VWC2L: variants seen among roughly 807,000 people sequenced by gnomAD.
VWC2L encodes the protein von Willebrand factor C domain-containing protein 2-like.
Under a neutral mutation model 21.6 loss-of-function variants are expected in VWC2L, and 10 were observed. The observed-to-expected ratio is 0.46, with a 90% CI of 0.29 to 0.78. The LOEUF is 0.78. Among genes scored for constraint, VWC2L ranks in the 30% least tolerant of loss-of-function variants. The pLI, the probability that VWC2L is intolerant of heterozygous loss-of-function variation, is 0.10. For synonymous variants in VWC2L, 96 were observed against 94.3 expected, an observed-to-expected ratio of 1.02 and a Z score of -0.10; for missense variants, 209 against 277.1, an observed-to-expected ratio of 0.75 and a Z score of 1.74.
intron 3 of VWC2L, among the ~76,000 whole-genome samples, chr2:214,484,392 G>A (rs989425987): frequency 6.6e-6 from 1 of 152,074 alleles, no homozygotes; most frequent in Non-Finnish European, 1.5e-5. Flanking sequence ...TCCAGGCCTC[G>A]GTACCTTGCC....
intron 3 of VWC2L, among the ~76,000 whole-genome samples, chr2:214,437,932 T>G (rs949201986): frequency 1.2e-4 from 18 of 152,006 alleles, no homozygotes; most frequent in African/African-American, 4.4e-4. Context: ...ATAAATCGAT[T>G]AACTTGAATA....
intron 3 of VWC2L, among the ~76,000 whole-genome samples, chr2:214,469,315 A>G (rs944556599): frequency 3.3e-5 from 5 of 152,102 alleles, no homozygotes; most frequent in Non-Finnish European, 7.4e-5. Context: ...TTAAAATATC[A>G]TGGGCCAGGC....
chr2:214,480,700 G>A (rs755224965), intron 3 of VWC2L, among the ~76,000 whole-genome samples: 15 of 151,780 alleles, frequency 9.9e-5, no homozygotes, highest in Non-Finnish European at 2.1e-4. Flanking sequence ...TATTACATCT[G>A]CACTCCAAGC....
At chr2:214,540,867 G>A (rs1188150804) in intron 3 of VWC2L, among the ~76,000 whole-genome samples, 1 of 152,186 alleles carries the variant, frequency 6.6e-6, no homozygotes, top group Non-Finnish European at 1.5e-5. Flanking sequence ...ATCAGTGACA[G>A]AGTCAGACCA....
chr2:214,540,931 C>A (rs1436185465), intron 3 of VWC2L, among the ~76,000 whole-genome samples: 1 of 152,172 alleles, frequency 6.6e-6, no homozygotes, highest in Non-Finnish European at 1.5e-5. Context: ...CCATTTATTG[C>A]ACTTTATTTT....
intron 3 of VWC2L, among the ~76,000 whole-genome samples, chr2:214,475,181 A>G (rs1688496298): frequency 6.6e-6 from 1 of 152,188 alleles, no homozygotes; most frequent in Admixed American, 6.5e-5. Flanking sequence ...TAAAAAGAAA[A>G]TATATGTTGA....
intron 3 of VWC2L, among the ~76,000 whole-genome samples, chr2:214,551,721 G>A (rs545564717): frequency 1.3e-5 from 2 of 152,184 alleles, no homozygotes; most frequent in Admixed American, 6.5e-5. Context: ...TCCCAAACCC[G>A]CATCAATCTA....
Position 214,457,099 on chromosome 2 carries a change from GA to G in VWC2L, c.520+20346del, listed in dbSNP as rs1362432146. On this transcript the variant is annotated intron_variant, in intron 3 of 3. Coordinates refer to ENST00000312504, the MANE Select transcript of VWC2L (RefSeq NM_001080500.4). ...TTTTAGAATTTTAAAAAATTTCTGT[GA>G]AAAATGTTATTTGTATTTTGAAAGA... is the stretch of plus-strand genomic sequence containing the variant. Among the ~76,000 whole-genome samples the G allele has an allele frequency of 7.4e-4, 112 of 151,996 alleles. 2 individuals carry two copies. The highest frequency in any genetic ancestry group is 2.9e-4 in the Non-Finnish European group (20 of 67,936).
intron 3 of VWC2L, among the ~76,000 whole-genome samples, chr2:214,541,527 C>T (rs1229175142): frequency 2.6e-5 from 4 of 152,088 alleles, no homozygotes; most frequent in African/African-American, 4.8e-5. Context: ...GTAATGGAAG[C>T]CTAGAAATAA....
At chr2:214,537,336 AT>A (rs1361335123) in intron 3 of VWC2L, among the ~76,000 whole-genome samples, 1 of 152,080 alleles carries the variant, frequency 6.6e-6, no homozygotes, top group Non-Finnish European at 1.5e-5. Flanking sequence ...ATTCCATATC[AT>A]GGCTTTTGTG....
intron 3 of VWC2L, among the ~76,000 whole-genome samples, chr2:214,446,554 C>T (rs763463362): frequency 2.6e-5 from 4 of 152,122 alleles, no homozygotes; most frequent in Admixed American, 6.6e-5. Flanking sequence ...CTAATCATAT[C>T]GCTTCTAGAA....
At chr2:214,550,563 C>A (rs1033108861) in intron 3 of VWC2L, among the ~76,000 whole-genome samples, 1 of 152,164 alleles carries the variant, frequency 6.6e-6, no homozygotes, top group African/African-American at 2.4e-5. Flanking sequence ...CAGGGAGTGA[C>A]ATTACCCATC....
At chr2:214,464,323 A>AT (rs1430662263) in intron 3 of VWC2L, among the ~76,000 whole-genome samples, 1 of 152,032 alleles carries the variant, frequency 6.6e-6, no homozygotes, top group African/African-American at 2.4e-5. Context: ...TTCAAAGGGA[A>AT]TTGTGGTTAC....
chr2:214,543,348 A>G (rs1389974108), intron 3 of VWC2L, among the ~76,000 whole-genome samples: 1 of 152,220 alleles, frequency 6.6e-6, no homozygotes, highest in African/African-American at 2.4e-5. Context: ...CTTATTACGT[A>G]TAGTAACATC....
chr2:214,525,618 A>G (rs1163747524), intron 3 of VWC2L, among the ~76,000 whole-genome samples: 1 of 152,186 alleles, frequency 6.6e-6, no homozygotes, highest in East Asian at 1.9e-4. Context: ...TCTAAGAAAC[A>G]CTCTCAGAAA....
At chr2:214,449,629 C>A (rs189410992) in intron 3 of VWC2L, among the ~76,000 whole-genome samples, 50 of 152,174 alleles carry the variant, frequency 3.3e-4, no homozygotes, top group African/African-American at 1.1e-3. Context: ...GCCCTTGCAG[C>A]GAGACCTCTG....
rs1306259176 is a variant in VWC2L at position 214,430,566 on chromosome 2, G to A, written c.391-6063G>A. Among the ~76,000 whole-genome samples the A allele has an allele frequency of 5.3e-5, 8 of 151,942 alleles. No homozygotes were observed. The East Asian group carries it at 1.5e-3, about 29-fold the overall frequency. On this transcript the variant is annotated intron_variant, in intron 2 of 3. Transcript: ENST00000312504. ...TTTTTAAATTAGACATCATATTTCTGAATTGTAGTTTATTACCTACCTAGT... is the reference window on the plus strand; with the variant it reads ...TTTTTAAATTAGACATCATATTTCTAAATTGTAGTTTATTACCTACCTAGT...
At chr2:214,484,258 A>T (rs895635408) in intron 3 of VWC2L, among the ~76,000 whole-genome samples, 2 of 152,176 alleles carry the variant, frequency 1.3e-5, no homozygotes, top group African/African-American at 4.8e-5. Context: ...TGAATGGACA[A>T]ATTTGGGGGA....
intron 3 of VWC2L, among the ~76,000 whole-genome samples, chr2:214,556,327 GT>G (rs1559329797): frequency 6.6e-6 from 1 of 152,168 alleles, no homozygotes; most frequent in Admixed American, 6.6e-5. Flanking sequence ...CAAACTGATT[GT>G]TTTTCTGGCT....
Sources: allele counts gnomAD v4.1 joint callset (sites outside exome capture counted in the v4.1 genomes callset), GRCh38; gene constraint gnomAD v4.1.1; transcripts MANE v1.5; gene names NCBI Gene and HGNC (gene_info 2026-07-23, HGNC 2026-07-21).